Variants in POC1B observed in about 807,000 individuals in gnomAD.
POC1B encodes POC1 centriolar protein homolog B.
A neutral mutation model predicts 60.6 loss-of-function variants in POC1B; 44 were observed. The ratio of observed to expected loss-of-function variants is 0.73; its 90% CI spans 0.57 to 0.93. The LOEUF (loss-of-function observed/expected upper bound fraction) is 0.93, where lower values mean the gene tolerates loss of function less well. Among genes scored for constraint, POC1B ranks in the 40% least tolerant of loss-of-function variants. The pLI is 0.00. For missense variants in POC1B, 555 were observed against 572.3 expected (o/e 0.97, Z 0.31); for synonymous variants, 180 against 198.9 (o/e 0.90, Z 0.80).
chr12:89,499,137 G>T (rs964981754), intron 2 of POC1B, among the ~76,000 whole-genome samples: 1 of 152,174 alleles, frequency 6.6e-6, no homozygotes, highest in Non-Finnish European at 1.5e-5. Flanking sequence ...AGAAGAGACC[G>T]GTGGGAGGGA....
chr12:89,493,908 C>T (rs1417988370), intron 3 of POC1B, among the ~76,000 whole-genome samples: 1 of 152,184 alleles, frequency 6.6e-6, no homozygotes. Context: ...TTTCTAGTTC[C>T]TCATCTTAAC....
intron 8 of POC1B, 146 bp downstream of exon 8, chr12:89,467,471 T>C: frequency 1.6e-6 from 1 of 628,242 alleles, no homozygotes; most frequent in Non-Finnish European, 2.6e-6. Flanking sequence ...AGCTATGAGA[T>C]AGCAGACTTC....
In POC1B at chr12:89,459,718, T is replaced by C. The variant is rs1233966945; in HGVS notation, c.1033A>G (p.Ile345Val). The change falls in exon 10 of 12, where the codon ATT becomes GTT. Residue 345 changes from isoleucine (I) to valine (V), a missense_variant and splice_region_variant. Transcript: ENST00000313546. ...PHEEKVETVEINPKLEVIDLQ... is the reference protein window; with the variant it reads ...PHEEKVETVEVNPKLEVIDLQ... ...TCGATTACCTCAAGCTTTGGATTAA[T>C]CTGTGTATATACATAAAAAAAAATT... 22 of 1,512,104 alleles carry C rather than the reference T, an allele frequency of 1.5e-5. No homozygotes were observed. The highest frequency in any genetic ancestry group is 1.8e-5 in the Non-Finnish European group (20 of 1,119,694). 93.7% of individuals were successfully genotyped at this position (1,512,104 alleles called of 1,614,324 possible).
At chr12:89,516,209 G>A (rs572691031) in intron 2 of POC1B, among the ~76,000 whole-genome samples, 2 of 151,996 alleles carry the variant, frequency 1.3e-5, no homozygotes, top group South Asian at 2.1e-4. Context: ...CTACTATAAC[G>A]GCTTTCCCTC....
At chr12:89,475,971 A>G (rs1358980514) in intron 4 of POC1B, among the ~76,000 whole-genome samples, 2 of 142,044 alleles carry the variant, frequency 1.4e-5, no homozygotes, top group East Asian at 2.1e-4. Flanking sequence ...CAGTGGTGCA[A>G]TCTCGGCTTA....
chr12:89,404,761 T>C, the POC1B span, among the ~76,000 whole-genome samples: 2 of 152,068 alleles, frequency 1.3e-5, no homozygotes, highest in Admixed American at 1.3e-4. Context: ...AATTCCTGAA[T>C]TACCTAAAAT....
intron 2 of POC1B, chr12:89,502,405 T>G: frequency 6.7e-7 from 1 of 1,503,364 alleles, no homozygotes; most frequent in Non-Finnish European, 9.2e-7. Flanking sequence ...ATCAGGAGGA[T>G]TCGTGATTAG....
chr12:89,443,451 A>C (rs1039360399), intron 10 of POC1B, among the ~76,000 whole-genome samples: 8 of 148,760 alleles, frequency 5.4e-5, no homozygotes, highest in Non-Finnish European at 1.0e-4. Context: ...TAAGAAACTC[A>C]CTCAAAACCG....
intron 4 of POC1B, among the ~76,000 whole-genome samples, chr12:89,480,758 A>G (rs898605693): frequency 6.6e-6 from 1 of 151,308 alleles, no homozygotes; most frequent in African/African-American, 2.4e-5. Flanking sequence ...CCGCCACCTC[A>G]CCCGGCTAAT....
At chr12:89,423,880 G>A (rs1168757978) in intron 11 of POC1B, among the ~76,000 whole-genome samples, 6 of 152,182 alleles carry the variant, frequency 3.9e-5, no homozygotes, top group Non-Finnish European at 7.4e-5. Flanking sequence ...GATTCACTTC[G>A]GAGGGACCCT....
rs1416474332 is a variant in POC1B at position 89,459,660 on chromosome 12, A to C, written c.1091T>G (p.Ile364Ser). The C allele has an allele frequency of 6.6e-7, 1 of 1,520,366 alleles. No homozygotes were observed. The highest frequency in any genetic ancestry group is 2.4e-5 in the East Asian group (1 of 42,166). 94.2% of individuals were successfully genotyped at this position (1,520,366 alleles called of 1,614,324 possible). A position where few individuals can be genotyped will look rare whatever the true frequency, so the allele number is the denominator to read the frequency against. Residue 364 changes from isoleucine (I) to serine (S), a missense_variant, in exon 10 of 12, where the codon ATC (isoleucine) becomes AGC (serine). Ile to Ser is a moderately radical substitution (Grantham distance 142). Transcript: ENST00000313546. ...TACTGTGGTAGAATCAAAAGAAAGGATATCCATAACAGGGGGAGTAGAGAT... is the reference window on the plus strand; with the variant it reads ...TACTGTGGTAGAATCAAAAGAAAGGCTATCCATAACAGGGGGAGTAGAGAT... Reference protein sequence around the residue: ...LQISTPPVMDILSFDSTTTTE... With the variant: ...LQISTPPVMDSLSFDSTTTTE...
chr12:89,455,988 G>A (rs1285696503), intron 10 of POC1B, among the ~76,000 whole-genome samples: 2 of 151,182 alleles, frequency 1.3e-5, no homozygotes, highest in Non-Finnish European at 2.9e-5. Flanking sequence ...TTTATTTACA[G>A]TTAGTTTAAA....
At chr12:89,500,006 C>T (rs894181426) in intron 2 of POC1B, 11 of 896,188 alleles carry the variant, frequency 1.2e-5, no homozygotes, top group East Asian at 5.3e-5. Flanking sequence ...GGTAGTCCGG[C>T]GATTCATTTC....
chr12:89,447,173 T>C (rs190971416), intron 10 of POC1B, among the ~76,000 whole-genome samples: 1 of 152,160 alleles, frequency 6.6e-6, no homozygotes. Context: ...ATCAAAATTA[T>C]TTTTCTCAAT....
intron 4 of POC1B, 50 bp from the exon 5 acceptor site, chr12:89,472,325 C>A: frequency 1.7e-6 from 2 of 1,155,642 alleles, no homozygotes; most frequent in South Asian, 2.6e-5. Flanking sequence ...TCTGGAGAGT[C>A]ACCACCTCAC....
intron 10 of POC1B, among the ~76,000 whole-genome samples, chr12:89,453,122 T>A (rs1378561768): frequency 2.0e-4 from 30 of 152,244 alleles, no homozygotes; most frequent in Admixed American, 2.0e-3. Context: ...TTGTTAGTTA[T>A]CATGTATGTT....
intron 4 of POC1B, among the ~76,000 whole-genome samples, chr12:89,479,654 G>A (rs775064232): frequency 2.6e-5 from 4 of 151,532 alleles, no homozygotes; most frequent in South Asian, 4.2e-4. Context: ...ATCTCTGTGC[G>A]ACACTGAATA....
intron 2 of POC1B, among the ~76,000 whole-genome samples, chr12:89,514,597 G>A (rs900026847): frequency 6.6e-5 from 10 of 151,470 alleles, no homozygotes; most frequent in East Asian, 1.9e-4. Context: ...TAGTAGAGAC[G>A]GGGTTTCACC....
intron 9 of POC1B, among the ~76,000 whole-genome samples, chr12:89,464,557 G>A (rs562479178): frequency 1.0e-4 from 13 of 126,150 alleles, no homozygotes; most frequent in East Asian, 2.4e-4. Flanking sequence ...ACATGATCTC[G>A]GCTCACTACA....
Sources: gnomAD v4.1 joint callset for allele counts (sites outside exome capture counted in the v4.1 genomes callset) on GRCh38, gnomAD v4.1.1 for gene constraint, MANE v1.5 for transcripts, NCBI Gene and HGNC (gene_info 2026-07-23, HGNC 2026-07-21) for gene names.